MYO3A: variants seen among roughly 807,000 people sequenced by gnomAD.
MYO3A encodes the protein myosin-IIIa.
Under a neutral mutation model 192.7 loss-of-function variants are expected in MYO3A, and 180 were observed. The ratio of observed to expected loss-of-function variants is 0.93; its 90% CI spans 0.83 to 1.06. MYO3A has a LOEUF of 1.06. Ranked by LOEUF, MYO3A falls within the 50% of genes least tolerant of loss-of-function variation. MYO3A has a pLI of 0.00. For synonymous variants in MYO3A, 628 were observed against 645.3 expected, an observed-to-expected ratio of 0.97 and a Z score of 0.41; for missense variants, 1,896 against 1,905.0, an observed-to-expected ratio of 1.00 and a Z score of 0.09.
At chr10:25,996,139 G>C (rs1310470918) in intron 4 of MYO3A, among the ~76,000 whole-genome samples, 1 of 152,168 alleles carries the variant, frequency 6.6e-6, no homozygotes, top group Non-Finnish European at 1.5e-5. Flanking sequence ...CTTGAGCTGT[G>C]GTGGTCTCCA....
intron 6 of MYO3A, among the ~76,000 whole-genome samples, chr10:26,008,692 C>G (rs1422995714): frequency 7.5e-5 from 11 of 145,776 alleles, no homozygotes; most frequent in Non-Finnish European, 9.2e-5. Flanking sequence ...CATCTCACAC[C>G]AGTTAGAATG....
chr10:25,989,534 A>G (rs541867083), intron 4 of MYO3A, among the ~76,000 whole-genome samples: 1 of 152,302 alleles, frequency 6.6e-6, no homozygotes, highest in East Asian at 1.9e-4. Flanking sequence ...AACACCAAAT[A>G]TAAATGTGCC....
At chr10:26,040,705 A>T (rs929060690) in intron 10 of MYO3A, among the ~76,000 whole-genome samples, 9 of 152,114 alleles carry the variant, frequency 5.9e-5, no homozygotes, top group Admixed American at 3.9e-4. Flanking sequence ...TGTAGTTTCC[A>T]AAATTGCTAT....
intron 20 of MYO3A, among the ~76,000 whole-genome samples, chr10:26,129,680 G>T (rs1178535649): frequency 2.0e-5 from 3 of 151,998 alleles, no homozygotes; most frequent in Non-Finnish European, 4.4e-5. Flanking sequence ...AATTCCCCTG[G>T]AATGGCCCTT....
intron 32 of MYO3A, among the ~76,000 whole-genome samples, chr10:26,200,509 T>C (rs1843633328): frequency 6.6e-6 from 1 of 152,178 alleles, no homozygotes. Flanking sequence ...CTCAAATGTA[T>C]TGAAGTAGCA....
At chr10:25,951,063 ATTCT>A (rs1837180513) in intron 2 of MYO3A, among the ~76,000 whole-genome samples, 1 of 152,132 alleles carries the variant, frequency 6.6e-6, no homozygotes, top group Non-Finnish European at 1.5e-5. Flanking sequence ...TCACTGACCT[ATTCT>A]TTTAATTAAT....
intron 4 of MYO3A, among the ~76,000 whole-genome samples, chr10:25,966,943 T>A (rs1230112063): frequency 1.3e-5 from 2 of 152,052 alleles, no homozygotes; most frequent in Admixed American, 1.3e-4. Context: ...GTGACATTGA[T>A]AAAAGGAAAT....
At chr10:26,026,272 T>C (rs1842536277) in intron 9 of MYO3A, 105 bp from the exon 10 acceptor site, 1 of 1,353,720 alleles carries the variant, frequency 7.4e-7, no homozygotes, top group Admixed American at 2.0e-5. Flanking sequence ...TGAGCATTTA[T>C]GAGGAGCATC....
At chr10:26,083,082 CT>C (rs1402748578) in intron 14 of MYO3A, among the ~76,000 whole-genome samples, 1 of 152,124 alleles carries the variant, frequency 6.6e-6, no homozygotes, top group East Asian at 1.9e-4. Context: ...GAACTTTCAT[CT>C]TTTCACTTCA....
chr10:26,010,042 A>G (rs1841523439), intron 6 of MYO3A, among the ~76,000 whole-genome samples: 1 of 152,232 alleles, frequency 6.6e-6, no homozygotes, highest in African/African-American at 2.4e-5. Flanking sequence ...TCCAGGATTG[A>G]ATGATGCAGA....
At chr10:26,196,770 A>AT (rs138454358) in intron 32 of MYO3A, among the ~76,000 whole-genome samples, 94 of 152,024 alleles carry the variant, frequency 6.2e-4, no homozygotes, top group African/African-American at 1.8e-3. Context: ...AAGTGAATGA[A>AT]TTTTTTTTAA....
rs1844269268 is a variant in MYO3A at position 26,212,399 on chromosome 10, C to T, written c.*436C>T. ...CTTTTCTTGGCCAACAGAACACTTGCTAGCGGTTGAATCTTAGAGAAAAAA... is the reference window on the plus strand; with the variant it reads ...CTTTTCTTGGCCAACAGAACACTTGTTAGCGGTTGAATCTTAGAGAAAAAA... On this transcript the variant is annotated 3_prime_UTR_variant, in exon 35 of 35. Transcript: ENST00000642920. 1 of 305,908 alleles carries T rather than the reference C, an allele frequency of 3.3e-6. No homozygotes were observed. The highest frequency in any genetic ancestry group is 5.9e-6 in the Non-Finnish European group (1 of 168,408). 18.9% of individuals were successfully genotyped at this position (305,908 alleles called of 1,614,324 possible).
chr10:26,001,435 G>C (rs1840805470), intron 6 of MYO3A, among the ~76,000 whole-genome samples: 1 of 152,228 alleles, frequency 6.6e-6, no homozygotes, highest in East Asian at 1.9e-4. Context: ...GCTCTGCTGT[G>C]TCTAAATGGG....
At chr10:25,967,689 T>C (rs751938804) in intron 4 of MYO3A, among the ~76,000 whole-genome samples, 6 of 152,160 alleles carry the variant, frequency 3.9e-5, no homozygotes, top group Non-Finnish European at 7.3e-5. Flanking sequence ...AAAATAGTTA[T>C]AAATATGTTC....
At chr10:25,998,181 G>A (rs776270714) in intron 6 of MYO3A, among the ~76,000 whole-genome samples, 15 of 152,168 alleles carry the variant, frequency 9.9e-5, no homozygotes, top group Admixed American at 2.6e-4. Flanking sequence ...AGTCTATTTC[G>A]TAGACCTAAT....
chr10:26,046,718 T>C (rs1218247494), intron 10 of MYO3A, among the ~76,000 whole-genome samples: 3 of 152,220 alleles, frequency 2.0e-5, no homozygotes, highest in African/African-American at 7.2e-5. Context: ...GCCTGAAAAA[T>C]TTTGTAACCC....
intron 4 of MYO3A, among the ~76,000 whole-genome samples, chr10:25,983,775 C>G (rs1399368568): frequency 6.6e-6 from 1 of 152,152 alleles, no homozygotes; most frequent in East Asian, 1.9e-4. Context: ...CTGGGAAAAT[C>G]ATCACAAAAG....
At chr10:26,154,903 C>A in intron 25 of MYO3A, 80 bp downstream of exon 25, 2 of 1,157,518 alleles carry the variant, frequency 1.7e-6, no homozygotes, top group Non-Finnish European at 1.3e-6. Flanking sequence ...GCCAGTAACA[C>A]TAGCAAAGAG....
At chr10:26,086,678 C>G (rs1034894875) in intron 14 of MYO3A, among the ~76,000 whole-genome samples, 2 of 152,058 alleles carry the variant, frequency 1.3e-5, no homozygotes, top group African/African-American at 2.4e-5. Flanking sequence ...TTTTCTTCCC[C>G]CTTGCCCATC....
Sources: allele counts gnomAD v4.1 joint callset (sites outside exome capture counted in the v4.1 genomes callset), GRCh38; gene constraint gnomAD v4.1.1; transcripts MANE v1.5; gene names NCBI Gene and HGNC (gene_info 2026-07-23, HGNC 2026-07-21).